MAP3K19: variants seen among roughly 807,000 people sequenced by gnomAD.
MAP3K19 encodes the protein mitogen-activated protein kinase kinase kinase 19, also known as SPS1/STE20-related protein kinase YSK4.
In MAP3K19, 91 loss-of-function variants were observed where a neutral mutation model predicts 114.4. The ratio of observed to expected loss-of-function variants is 0.80; its 90% CI spans 0.67 to 0.95. The LOEUF is 0.95. Ranked by LOEUF, MAP3K19 falls within the 40% of genes least tolerant of loss-of-function variation. The pLI, the probability that MAP3K19 is intolerant of heterozygous loss-of-function variation, is 0.00. For synonymous variants in MAP3K19, 518 were observed against 530.5 expected (o/e 0.98, Z 0.32); for missense variants, 1,471 against 1,573.2 (o/e 0.94, Z 1.10).
intron 9 of MAP3K19, 48 bp from the exon 10 acceptor site, chr2:134,988,301 A>G: frequency 6.9e-7 from 1 of 1,456,604 alleles, no homozygotes; most frequent in Non-Finnish European, 9.1e-7. Context: ...ATATATAAAT[A>G]TCACGCTAAC....
At chr2:134,992,834 T>TG (rs1236832517) in intron 8 of MAP3K19, among the ~76,000 whole-genome samples, 1 of 151,956 alleles carries the variant, frequency 6.6e-6, no homozygotes, top group East Asian at 1.9e-4. Flanking sequence ...CATGCCCGGC[T>TG]AATTTTTTGT....
chr2:134,984,878 G>A (rs947504308), intron 10 of MAP3K19, among the ~76,000 whole-genome samples: 13 of 152,190 alleles, frequency 8.5e-5, no homozygotes, highest in African/African-American at 1.9e-4. Flanking sequence ...CTTTAACCCA[G>A]GAGGTGGAGT....
intron 1 of MAP3K19, among the ~76,000 whole-genome samples, chr2:135,045,182 A>T (rs1001573906): frequency 4.6e-5 from 7 of 152,044 alleles, no homozygotes; most frequent in Non-Finnish European, 2.9e-5. Flanking sequence ...ATCAATTTAC[A>T]CTCCCACCAG....
Position 134,979,237 on chromosome 2 carries a change from T to G in MAP3K19, c.3920+1584A>C, listed in dbSNP as rs545256978. Reference sequence around the variant, plus strand: ...TCTAATTAGGTAAGGTATGTTAATATTCTTCCTAATGATTATTAACTGTAA... The same window carrying G: ...TCTAATTAGGTAAGGTATGTTAATAGTCTTCCTAATGATTATTAACTGTAA... On this transcript the variant is annotated intron_variant, in intron 12 of 12. Transcript: ENST00000392915. 4.6e-5 allele frequency among the ~76,000 whole-genome samples: 7 copies of G among 152,356 alleles called. No individual in the cohort carries two copies. The East Asian group carries it at 1.3e-3, about 29-fold the overall frequency.
At chr2:134,974,712 A>T (rs1326689613) in intron 12 of MAP3K19, among the ~76,000 whole-genome samples, 2 of 151,758 alleles carry the variant, frequency 1.3e-5, no homozygotes, top group East Asian at 3.9e-4. Context: ...TTTTGTCTGA[A>T]TGGGTTATTT....
At position 134,985,933 on chromosome 2, in the gene MAP3K19, A is replaced by G. The variant is rs554230531; in HGVS notation, c.2939T>C (p.Leu980Pro). Reference protein sequence around the residue: ...LGCLAAELLALDEKDNNSCQK... With the variant: ...LGCLAAELLAPDEKDNNSCQK... Reference sequence around the variant, plus strand: ...GCAAGAGTTGTTATCTTTCTCATCAAGAGCTAATAATTCTGCAGCTAGACA... The same window carrying G: ...GCAAGAGTTGTTATCTTTCTCATCAGGAGCTAATAATTCTGCAGCTAGACA... The change falls in exon 10 of 13, where the codon CTT becomes CCT. Residue 980 changes from leucine to proline, a missense_variant. Coordinates refer to ENST00000392915, the MANE Select transcript of MAP3K19 (RefSeq NM_025052.5). 290 of 1,614,158 alleles carry G rather than the reference A, an allele frequency of 1.8e-4. 5 individuals carry two copies. The East Asian group carries it at 6.4e-3, about 35-fold the overall frequency.
chr2:134,983,199 C>G (rs752318526), intron 11 of MAP3K19: 1 of 533,476 alleles, frequency 1.9e-6, no homozygotes, highest in Non-Finnish European at 3.8e-6. Flanking sequence ...TCGCCCACCC[C>G]CCAAGATCTC....
intron 3 of MAP3K19, among the ~76,000 whole-genome samples, chr2:135,027,929 C>T (rs1292325442): frequency 6.6e-6 from 1 of 152,188 alleles, no homozygotes; most frequent in Non-Finnish European, 1.5e-5. Flanking sequence ...GTATCAGGGA[C>T]ACCCTGTTAA....
chr2:134,968,955 G>A (rs936325022), intron 12 of MAP3K19, among the ~76,000 whole-genome samples: 25 of 152,162 alleles, frequency 1.6e-4, no homozygotes, highest in African/African-American at 5.1e-4. Context: ...GGTGGCGGCC[G>A]GGCAGAGGCT....
chr2:134,994,006 T>C (rs559450967), intron 8 of MAP3K19, among the ~76,000 whole-genome samples: 3 of 151,840 alleles, frequency 2.0e-5, no homozygotes, highest in African/African-American at 7.2e-5. Flanking sequence ...CGAGACCCTA[T>C]CTCCAAAAAA....
chr2:135,044,679 G>A (rs149081206), intron 1 of MAP3K19, among the ~76,000 whole-genome samples: 4 of 152,248 alleles, frequency 2.6e-5, no homozygotes, highest in African/African-American at 9.6e-5. Context: ...TTCATGTTTG[G>A]ACCTTAGCTA....
Position 134,986,173 on chromosome 2 carries a change from G to C in MAP3K19, c.2699C>G (p.Ser900Cys). ...GAAAGAGAAATTTGTAAGTGTTTTA[G>C]AGTGATCTGAAACACTATCAAACTC... ...DLEFDSVSDH[S>C]KTLTNFSFQA... Residue 900 changes from serine to cysteine, a missense_variant, in exon 10 of 13, where the codon TCT becomes TGT. By Grantham distance (112) the Ser-to-Cys change is moderately radical. Coordinates refer to ENST00000392915, the MANE Select transcript of MAP3K19 (RefSeq NM_025052.5). 6.2e-7 allele frequency: 1 copy of C among 1,613,832 alleles called. No homozygotes were observed. The highest frequency in any genetic ancestry group is 8.5e-7 in the Non-Finnish European group (1 of 1,179,954).
chr2:135,027,762 C>T (rs1688293647), intron 3 of MAP3K19, among the ~76,000 whole-genome samples: 1 of 152,200 alleles, frequency 6.6e-6, no homozygotes, highest in South Asian at 2.1e-4. Context: ...TTTGCATTTT[C>T]ATTGCTTGGC....
chr2:135,038,463 G>A (rs1347588656), intron 2 of MAP3K19, among the ~76,000 whole-genome samples: 1 of 151,970 alleles, frequency 6.6e-6, no homozygotes, highest in Non-Finnish European at 1.5e-5. Flanking sequence ...TGCTGCTTCT[G>A]TTCATTATCA....
intron 5 of MAP3K19, among the ~76,000 whole-genome samples, chr2:135,007,948 T>C (rs1255296546): frequency 6.6e-6 from 1 of 152,232 alleles, no homozygotes; most frequent in Non-Finnish European, 1.5e-5. Flanking sequence ...ACAGGAATCA[T>C]ATTTTCTTTG....
At chr2:135,019,476 G>A (rs1025006474) in intron 5 of MAP3K19, among the ~76,000 whole-genome samples, 3 of 152,098 alleles carry the variant, frequency 2.0e-5, no homozygotes, top group African/African-American at 7.2e-5. Context: ...GATTGCTTGA[G>A]GCTAGGAGTT....
chr2:134,984,728 G>A (rs1478582403), intron 10 of MAP3K19, among the ~76,000 whole-genome samples: 1 of 152,176 alleles, frequency 6.6e-6, no homozygotes, highest in Non-Finnish European at 1.5e-5. Context: ...CGAGGAAGGT[G>A]GATCGCGAGG....
chr2:135,003,728 A>G (rs1686615189), intron 6 of MAP3K19, among the ~76,000 whole-genome samples: 1 of 151,772 alleles, frequency 6.6e-6, no homozygotes, highest in African/African-American at 2.4e-5. Context: ...CTAATTTTGT[A>G]TTTTTAGTAG....
At chr2:135,032,623 AT>A (rs1006753143) in intron 2 of MAP3K19, among the ~76,000 whole-genome samples, 5 of 149,398 alleles carry the variant, frequency 3.3e-5, no homozygotes, top group African/African-American at 4.9e-5. Flanking sequence ...TTATTTATTT[AT>A]TTTTTTTAAT....
Sources: allele counts gnomAD v4.1 joint callset (sites outside exome capture counted in the v4.1 genomes callset), GRCh38; gene constraint gnomAD v4.1.1; transcripts MANE v1.5; gene names NCBI Gene and HGNC (gene_info 2026-07-23, HGNC 2026-07-21).